SEMA5A: variants seen among roughly 807,000 people sequenced by gnomAD.
The protein encoded by SEMA5A is semaphorin 5A.
A neutral mutation model predicts 135.5 loss-of-function variants in SEMA5A; 55 were observed. That is an observed-to-expected ratio of 0.41 (90% CI 0.33 to 0.51). The LOEUF is 0.51. Ranked by LOEUF, SEMA5A falls within the 20% of genes least tolerant of loss-of-function variation. SEMA5A has a pLI of 0.37. For missense variants in SEMA5A, 1,290 were observed against 1,419.9 expected, an observed-to-expected ratio of 0.91 and a Z score of 1.47; for synonymous variants, 580 against 546.5, an observed-to-expected ratio of 1.06 and a Z score of -0.85.
rs893534225 is a variant in SEMA5A at position 9,226,926 on chromosome 5, G to A, written c.375C>T (p.Gly125=). Residue 125 remains glycine (G), a synonymous_variant, in exon 7 of 23, where the codon GGC becomes GGT. Coordinates refer to ENST00000382496, the MANE Select transcript of SEMA5A (RefSeq NM_003966.3). Reference sequence around the variant, plus strand: ...TGGTCCCACAGGTGAATAACCGGTCGCCACCCACCAGAAGCACCCGGATGT... The same window carrying A: ...TGGTCCCACAGGTGAATAACCGGTCACCACCCACCAGAAGCACCCGGATGT... ...QNYIRVLLVG[G]DRLFTCGTNA... 1.6e-5 allele frequency: 26 copies of A among 1,577,794 alleles called. No individual in the cohort carries two copies. Among genetic ancestry groups the A allele is most frequent in the South Asian group, 3.5e-5 (3 of 86,164 alleles).
chr5:9,498,126 G>C (rs1286865917), intron 1 of SEMA5A, among the ~76,000 whole-genome samples: 1 of 152,168 alleles, frequency 6.6e-6, no homozygotes, highest in Non-Finnish European at 1.5e-5. Flanking sequence ...CCCTGGGCTA[G>C]TCAGTTCTTA....
chr5:9,119,841 G>A (rs1396530529), intron 14 of SEMA5A, among the ~76,000 whole-genome samples: 1 of 152,030 alleles, frequency 6.6e-6, no homozygotes, highest in African/African-American at 2.4e-5. Flanking sequence ...AATAAGAAGT[G>A]CAAATTGCAT....
intron 1 of SEMA5A, among the ~76,000 whole-genome samples, chr5:9,507,950 G>A (rs1287078586): frequency 6.6e-6 from 1 of 150,474 alleles, no homozygotes; most frequent in East Asian, 2.0e-4. Context: ...CTTGCAGTAA[G>A]CCAAGATTGC....
At chr5:9,329,481 T>C (rs1753022507) in intron 4 of SEMA5A, among the ~76,000 whole-genome samples, 1 of 152,346 alleles carries the variant, frequency 6.6e-6, no homozygotes, top group African/African-American at 2.4e-5. Flanking sequence ...GTAGAGAAGA[T>C]GCTTCATCTT....
intron 12 of SEMA5A, among the ~76,000 whole-genome samples, chr5:9,138,754 C>G (rs372847211): frequency 3.3e-5 from 5 of 152,154 alleles, no homozygotes; most frequent in South Asian, 2.1e-4. Flanking sequence ...TCCCTCACCC[C>G]CTTCCTACAC....
intron 18 of SEMA5A, among the ~76,000 whole-genome samples, chr5:9,055,245 A>T (rs1286073636): frequency 6.6e-6 from 1 of 152,200 alleles, no homozygotes; most frequent in African/African-American, 2.4e-5. Flanking sequence ...CCTCTCTCTT[A>T]CTAGCCAGAT....
intron 1 of SEMA5A, among the ~76,000 whole-genome samples, chr5:9,499,592 T>G (rs1019732891): frequency 2.6e-5 from 4 of 152,212 alleles, no homozygotes. Flanking sequence ...ATAAATAAAC[T>G]AATGTATGAA....
intron 2 of SEMA5A, among the ~76,000 whole-genome samples, chr5:9,435,843 A>G (rs1444900163): frequency 2.0e-5 from 3 of 152,246 alleles, no homozygotes; most frequent in Non-Finnish European, 2.9e-5. Flanking sequence ...CACACTTTTT[A>G]GAAAACGTTC....
At chr5:9,503,445 C>T (rs75701852) in intron 1 of SEMA5A, among the ~76,000 whole-genome samples, 6,054 of 152,248 alleles carry the variant, frequency 0.04, 173 homozygotes, top group Middle Eastern at 0.085. Flanking sequence ...GAAAAGCTCC[C>T]AGTGAGTTAA....
intron 5 of SEMA5A, among the ~76,000 whole-genome samples, chr5:9,248,956 C>T (rs1054816919): frequency 6.6e-6 from 1 of 152,162 alleles, no homozygotes; most frequent in African/African-American, 2.4e-5. Flanking sequence ...TTTGTCACAG[C>T]AGCCATACAA....
At chr5:9,141,506 T>C (rs1025937110) in intron 12 of SEMA5A, among the ~76,000 whole-genome samples, 7 of 152,186 alleles carry the variant, frequency 4.6e-5, no homozygotes, top group Non-Finnish European at 1.0e-4. Context: ...ATTACCCTGG[T>C]ATTTGAAAGT....
intron 5 of SEMA5A, among the ~76,000 whole-genome samples, chr5:9,238,427 AT>A (rs1466252938): frequency 6.6e-6 from 1 of 152,184 alleles, no homozygotes; most frequent in African/African-American, 2.4e-5. Context: ...CATAGCTAGG[AT>A]TTTTCCCCAG....
intron 3 of SEMA5A, among the ~76,000 whole-genome samples, chr5:9,364,258 C>T (rs1388772291): frequency 6.6e-6 from 1 of 152,186 alleles, no homozygotes; most frequent in Non-Finnish European, 1.5e-5. Flanking sequence ...AGACATTGAA[C>T]AATTTTGTGC....
chr5:9,273,582 C>T (rs1038625653), intron 5 of SEMA5A, among the ~76,000 whole-genome samples: 6 of 151,910 alleles, frequency 3.9e-5, no homozygotes, highest in Admixed American at 3.9e-4. Context: ...TTAAAGGCAG[C>T]CAAGAGAGAA....
intron 15 of SEMA5A, 89 bp from the exon 16 acceptor site, chr5:9,108,376 T>C (rs16881994): frequency 0.074 from 108,192 of 1,469,928 alleles, 7,382 homozygotes; most frequent in East Asian, 0.35. Context: ...CACCAGATGT[T>C]GAACACATGG....
At chr5:9,187,044 A>C (rs1744847128) in intron 11 of SEMA5A, among the ~76,000 whole-genome samples, 1 of 152,186 alleles carries the variant, frequency 6.6e-6, no homozygotes. Flanking sequence ...GCTAGTTATA[A>C]ATAAGAGACC....
chr5:9,338,561 C>T (rs541133608), intron 3 of SEMA5A, among the ~76,000 whole-genome samples: 2 of 152,296 alleles, frequency 1.3e-5, no homozygotes, highest in South Asian at 4.1e-4. Flanking sequence ...TTCATTAGCT[C>T]ATTTTTAACA....
intron 1 of SEMA5A, among the ~76,000 whole-genome samples, chr5:9,536,504 T>C (rs189816464): frequency 6.6e-6 from 1 of 152,000 alleles, no homozygotes; most frequent in Admixed American, 6.6e-5. Flanking sequence ...TCCCAGCTAC[T>C]TGGGAGGCTG....
chr5:9,369,138 A>G (rs1321737114), intron 3 of SEMA5A, among the ~76,000 whole-genome samples: 2 of 152,170 alleles, frequency 1.3e-5, no homozygotes, highest in Non-Finnish European at 2.9e-5. Context: ...TTATGTCTAA[A>G]TTGCTAGTCC....
Sources: gnomAD v4.1 joint callset for allele counts (sites outside exome capture counted in the v4.1 genomes callset) on GRCh38, gnomAD v4.1.1 for gene constraint, MANE v1.5 for transcripts, NCBI Gene and HGNC (gene_info 2026-07-23, HGNC 2026-07-21) for gene names.